Variants in IMMP1L observed in about 807,000 individuals in gnomAD.
IMMP1L encodes inner mitochondrial membrane peptidase subunit 1.
IMMP1L carries 24 observed loss-of-function variants against 21.8 expected under a neutral mutation model. The observed-to-expected ratio is 1.10, with a 90% CI of 0.80 to 1.55. The LOEUF is 1.55. Among genes scored for constraint, IMMP1L ranks in the 40% most tolerant of loss-of-function variants. The pLI is 0.00. For missense variants in IMMP1L, 195 were observed against 200.7 expected (o/e 0.97, Z 0.17); for synonymous variants, 46 against 62.8 (o/e 0.73, Z 1.26).
chr11:31,466,738 T>C (rs1954369952), intron 1 of IMMP1L, among the ~76,000 whole-genome samples: 1 of 151,994 alleles, frequency 6.6e-6, no homozygotes, highest in African/African-American at 2.4e-5. Context: ...AGTGTAGAAT[T>C]ATAGGTATCA....
intron 4 of IMMP1L, among the ~76,000 whole-genome samples, chr11:31,437,353 T>C (rs1157332893): frequency 6.6e-6 from 1 of 152,216 alleles, no homozygotes; most frequent in Non-Finnish European, 1.5e-5. Flanking sequence ...TGACTGTGTT[T>C]TGACTATGAC....
intron 1 of IMMP1L, among the ~76,000 whole-genome samples, chr11:31,484,554 C>A (rs1955009105): frequency 6.6e-6 from 1 of 151,758 alleles, no homozygotes; most frequent in Non-Finnish European, 1.5e-5. Context: ...CTTTTGCTAC[C>A]ACACACAAAG....
intron 4 of IMMP1L, chr11:31,452,158 C>T (rs769694530): frequency 3.8e-4 from 341 of 905,904 alleles, no homozygotes; most frequent in Non-Finnish European, 4.4e-4. Context: ...CTATACACAA[C>T]TCTTCCCTAT....
chr11:31,472,952 G>C (rs1954613280), intron 1 of IMMP1L, among the ~76,000 whole-genome samples: 1 of 152,004 alleles, frequency 6.6e-6, no homozygotes, highest in Non-Finnish European at 1.5e-5. Flanking sequence ...TGCAATCTCC[G>C]CCTCCCAGGT....
chr11:31,458,673 A>G (rs1301301378), intron 3 of IMMP1L, among the ~76,000 whole-genome samples: 1 of 152,184 alleles, frequency 6.6e-6, no homozygotes, highest in East Asian at 1.9e-4. Context: ...AATACTCAGG[A>G]CAGTAATATT....
intron 1 of IMMP1L, among the ~76,000 whole-genome samples, chr11:31,479,649 G>A (rs547221031): frequency 7.9e-5 from 12 of 151,982 alleles, no homozygotes; most frequent in African/African-American, 1.2e-4. Context: ...GGACTCTGAA[G>A]ACTTAATACA....
chr11:31,434,679 C>T (rs1293198317), intron 4 of IMMP1L, among the ~76,000 whole-genome samples: 2 of 151,878 alleles, frequency 1.3e-5, no homozygotes, highest in Non-Finnish European at 2.9e-5. Flanking sequence ...CTTACGTAAG[C>T]GATTTTAAGA....
intron 4 of IMMP1L, among the ~76,000 whole-genome samples, chr11:31,440,749 T>G (rs748301020): frequency 1.3e-5 from 2 of 152,194 alleles, no homozygotes; most frequent in Non-Finnish European, 2.9e-5. Context: ...CAGTGAAGAC[T>G]AAAATTTTTG....
At chr11:31,486,774 A>G (rs910021569) in intron 1 of IMMP1L, among the ~76,000 whole-genome samples, 2 of 151,950 alleles carry the variant, frequency 1.3e-5, no homozygotes, top group Non-Finnish European at 2.9e-5. Context: ...ACATAACTAC[A>G]TGGATAACTC....
chr11:31,444,316 C>CT (rs1953441688), intron 4 of IMMP1L, among the ~76,000 whole-genome samples: 1 of 152,150 alleles, frequency 6.6e-6, no homozygotes, highest in Non-Finnish European at 1.5e-5. Flanking sequence ...ATTGGGCTTT[C>CT]TTTGTCCCTG....
At chr11:31,484,029 T>C (rs562030855) in intron 1 of IMMP1L, among the ~76,000 whole-genome samples, 17 of 152,028 alleles carry the variant, frequency 1.1e-4, no homozygotes, top group Admixed American at 9.8e-4. Context: ...GTTTAATTTG[T>C]ATAACAAATA....
intron 1 of IMMP1L, among the ~76,000 whole-genome samples, chr11:31,484,851 T>G (rs1955021229): frequency 6.6e-6 from 1 of 151,914 alleles, no homozygotes; most frequent in Non-Finnish European, 1.5e-5. Flanking sequence ...AGCTCTTGGC[T>G]TATTTTTTTC....
chr11:31,443,846 T>C (rs1591950685), intron 4 of IMMP1L, among the ~76,000 whole-genome samples: 4 of 152,192 alleles, frequency 2.6e-5, no homozygotes. Context: ...AAAGTTTCAG[T>C]AGGCTACACC....
chr11:31,473,026 C>T (rs1047030717), intron 1 of IMMP1L, among the ~76,000 whole-genome samples: 3 of 151,386 alleles, frequency 2.0e-5, no homozygotes, highest in East Asian at 1.9e-4. Context: ...CCACCTCGCA[C>T]GGCTAATTTT....
At chr11:31,509,475 T>C (rs1190096973) in intron 1 of IMMP1L, 44 bp downstream of exon 1, 2 of 429,132 alleles carry the variant, frequency 4.7e-6, no homozygotes, top group Non-Finnish European at 8.6e-6. Flanking sequence ...TCAATGTGAA[T>C]GAAGGCACTC....
At chr11:31,498,742 C>G (rs776249268) in intron 1 of IMMP1L, among the ~76,000 whole-genome samples, 2 of 152,176 alleles carry the variant, frequency 1.3e-5, no homozygotes, top group Admixed American at 1.3e-4. Flanking sequence ...CTTCCACTTA[C>G]GAGCTTTCTG....
At chr11:31,475,633 C>T (rs1332888300) in intron 1 of IMMP1L, among the ~76,000 whole-genome samples, 1 of 152,124 alleles carries the variant, frequency 6.6e-6, no homozygotes, top group Non-Finnish European at 1.5e-5. Flanking sequence ...AAAATAATTC[C>T]CTTAAGTCTT....
In IMMP1L at chr11:31,460,667, G is replaced by C; in HGVS notation, c.153C>G (p.Val51=). Residue 51 remains valine, a synonymous_variant, in exon 3 of 6, where the codon GTC becomes GTG. Coordinates refer to ENST00000532287, the MANE Select transcript of IMMP1L (RefSeq NM_001304274.2). The part of the protein sequence containing the change: ...MEPTIQNSDI[V]FAENLSRHFY... ...AATGTCGACTAAGATTTTCTGCAAA[G>C]ACAATATCTGAATTTTGAATTGTAG... The C allele has an allele frequency of 2.5e-6, 4 of 1,611,280 alleles. No individual in the cohort carries two copies. Among genetic ancestry groups the C allele is most frequent in the African/African-American group, 1.3e-5 (1 of 74,964 alleles).
chr11:31,462,861 T>C (rs930507954), intron 2 of IMMP1L, among the ~76,000 whole-genome samples: 1 of 152,178 alleles, frequency 6.6e-6, no homozygotes, highest in African/African-American at 2.4e-5. Flanking sequence ...ATCAAACATA[T>C]CCTGAAACAC....
Sources: allele counts gnomAD v4.1 joint callset (sites outside exome capture counted in the v4.1 genomes callset), GRCh38; gene constraint gnomAD v4.1.1; transcripts MANE v1.5; gene names NCBI Gene and HGNC (gene_info 2026-07-23, HGNC 2026-07-21).